Variants in LURAP1L observed in about 807,000 individuals in gnomAD.
LURAP1L encodes the protein leucine rich adaptor protein 1-like.
LURAP1L carries 12 observed loss-of-function variants against 13.8 expected under a neutral mutation model. That is an observed-to-expected ratio of 0.87 (90% CI 0.56 to 1.41). The LOEUF (loss-of-function observed/expected upper bound fraction) is 1.41. LURAP1L is among the 40% of genes most tolerant of loss of function. The pLI is 0.00. For missense variants in LURAP1L, 375 were observed against 292.9 expected, an observed-to-expected ratio of 1.28 and a Z score of -2.04; for synonymous variants, 139 against 119.2, an observed-to-expected ratio of 1.17 and a Z score of -1.08.
At chr9:12,779,869 C>T (rs1219919841) in intron 1 of LURAP1L, among the ~76,000 whole-genome samples, 1 of 152,190 alleles carries the variant, frequency 6.6e-6, no homozygotes, top group East Asian at 1.9e-4. Context: ...GCACTAAACA[C>T]AGTCTCTGGC....
At chr9:12,791,279 T>G (rs969378802) in intron 1 of LURAP1L, among the ~76,000 whole-genome samples, 1 of 152,130 alleles carries the variant, frequency 6.6e-6, no homozygotes. Context: ...ATCCAAAATA[T>G]GAAAAATGGC....
chr9:12,793,234 A>G (rs1819468023), intron 1 of LURAP1L, among the ~76,000 whole-genome samples: 1 of 152,074 alleles, frequency 6.6e-6, no homozygotes, highest in African/African-American at 2.4e-5. Flanking sequence ...CCTGTCTACC[A>G]ATGTGCATTC....
At chr9:12,803,233 C>G (rs767469586) in intron 1 of LURAP1L, among the ~76,000 whole-genome samples, 8 of 152,154 alleles carry the variant, frequency 5.3e-5, no homozygotes, top group Non-Finnish European at 1.2e-4. Flanking sequence ...TTTCCTATAT[C>G]TTGAAAAATT....
chr9:12,775,970 C>A lies in LURAP1L; in HGVS notation c.255C>A (p.Ser85Arg), dbSNP rs148872560. 43 of 1,602,256 alleles carry A rather than the reference C, an allele frequency of 2.7e-5. No homozygotes were observed. The highest frequency in any genetic ancestry group is 3.5e-5 in the Non-Finnish European group (41 of 1,174,572). ...SSPTSGSPRGSHSSALERLET... is the reference protein window; with the variant it reads ...SSPTSGSPRGRHSSALERLET... ...CAACCTCTGGCTCCCCACGAGGTAGCCACTCTAGCGCCCTGGAGAGGCTAG... is the reference window on the plus strand; with the variant it reads ...CAACCTCTGGCTCCCCACGAGGTAGACACTCTAGCGCCCTGGAGAGGCTAG... The change falls in exon 1 of 2, where the codon AGC becomes AGA. Residue 85 changes from serine (S) to arginine (R), a missense_variant. Physicochemically the swap from Ser to Arg is moderately radical, Grantham distance 110. Coordinates refer to ENST00000319264, the MANE Select transcript of LURAP1L (RefSeq NM_203403.2).
chr9:12,786,100 C>G (rs963819636), intron 1 of LURAP1L, among the ~76,000 whole-genome samples: 1 of 152,052 alleles, frequency 6.6e-6, no homozygotes, highest in Non-Finnish European at 1.5e-5. Flanking sequence ...ATATGACACA[C>G]AGTATTTCAA....
intron 1 of LURAP1L, among the ~76,000 whole-genome samples, chr9:12,798,636 A>G (rs188924061): frequency 1.8e-4 from 27 of 152,334 alleles, no homozygotes; most frequent in African/African-American, 5.5e-4. Flanking sequence ...GCTAGAAGTG[A>G]TGAATTAACA....
rs67654649 is a variant in LURAP1L at position 12,786,547 on chromosome 9, CAT to C, written c.312+10554_312+10555del. Among the ~76,000 whole-genome samples, 1,838 of 52,978 alleles carry C rather than the reference CAT, an allele frequency of 0.035. 140 individuals are homozygous for C. The East Asian group carries it at 0.44, about 13-fold the overall frequency. 34.8% of individuals were successfully genotyped at this position (52,978 alleles called of 152,430 possible). A position where few individuals can be genotyped will look rare whatever the true frequency, so the allele number is the denominator to read the frequency against. The stretch of plus-strand genomic sequence containing the variant: ...AAATGGCTAACATGTATATATATGA[CAT>C]ATATATATATATATATATATATATA... On this transcript the variant is annotated intron_variant, in intron 1 of 1. Transcript: ENST00000319264.
Position 12,814,876 on chromosome 9 carries a change from C to A in LURAP1L, c.313-6510C>A, listed in dbSNP as rs1819783481. Among the ~76,000 whole-genome samples the A allele has an allele frequency of 2.0e-5, 3 of 152,116 alleles. No individual in the cohort carries two copies. The South Asian group carries it at 6.2e-4, about 32-fold the overall frequency. On this transcript the variant is annotated intron_variant, in intron 1 of 1. Coordinates refer to ENST00000319264, the MANE Select transcript of LURAP1L (RefSeq NM_203403.2). ...TATAAACAACAAAAATGGAGGAAGACAAAGCTGACTGATGTGAAAGGGAAT... is the reference window on the plus strand; with the variant it reads ...TATAAACAACAAAAATGGAGGAAGAAAAAGCTGACTGATGTGAAAGGGAAT...
At chr9:12,796,469 C>A (rs1205841927) in intron 1 of LURAP1L, among the ~76,000 whole-genome samples, 3 of 151,734 alleles carry the variant, frequency 2.0e-5, no homozygotes, top group Non-Finnish European at 4.4e-5. Context: ...TGTTATTTTT[C>A]TAAACTTCAT....
chr9:12,785,828 A>G (rs1258782370), intron 1 of LURAP1L, among the ~76,000 whole-genome samples: 3 of 152,118 alleles, frequency 2.0e-5, no homozygotes, highest in Non-Finnish European at 4.4e-5. Context: ...ACCGGGTACT[A>G]TGATTGTTCA....
At chr9:12,796,403 A>G (rs1819512254) in intron 1 of LURAP1L, among the ~76,000 whole-genome samples, 1 of 151,984 alleles carries the variant, frequency 6.6e-6, no homozygotes, top group Non-Finnish European at 1.5e-5. Flanking sequence ...TATAACTTGT[A>G]TCTTTTTTGT....
chr9:12,809,533 C>T (rs1032669984), intron 1 of LURAP1L, among the ~76,000 whole-genome samples: 2 of 152,200 alleles, frequency 1.3e-5, no homozygotes, highest in African/African-American at 2.4e-5. Context: ...GCACTGTCCA[C>T]TTTTTCCATT....
chr9:12,807,727 T>C (rs1158292365), intron 1 of LURAP1L, among the ~76,000 whole-genome samples: 1 of 151,922 alleles, frequency 6.6e-6, no homozygotes, highest in East Asian at 1.9e-4. Flanking sequence ...ATATTTTCTA[T>C]TTCTTTCCTT....
intron 1 of LURAP1L, among the ~76,000 whole-genome samples, chr9:12,817,717 A>C (rs1819822712): frequency 6.6e-6 from 1 of 152,196 alleles, no homozygotes; most frequent in African/African-American, 2.4e-5. Flanking sequence ...TCTATTTTTA[A>C]TTGATGGCTA....
At chr9:12,809,318 A>C (rs1170364985) in intron 1 of LURAP1L, among the ~76,000 whole-genome samples, 1 of 151,934 alleles carries the variant, frequency 6.6e-6, no homozygotes, top group African/African-American at 2.4e-5. Context: ...CTGACTTTTT[A>C]TTTCTTTTTT....
chr9:12,778,397 A>G (rs1215046162), intron 1 of LURAP1L, among the ~76,000 whole-genome samples: 1 of 152,226 alleles, frequency 6.6e-6, no homozygotes, highest in Admixed American at 6.5e-5. Flanking sequence ...TAACATAGGA[A>G]TAAGAGCATC....
At position 12,778,276 on chromosome 9, in the gene LURAP1L, A is replaced by C. The variant is rs181103061; in HGVS notation, c.312+2249A>C. On this transcript the variant is annotated intron_variant, in intron 1 of 1. Transcript: ENST00000319264. ...AGACATTTAGCTTATCTTCCCCGGC[A>C]AAAAGGCTTGTCCCGCTCTCTGTGG... 3.3e-5 allele frequency among the ~76,000 whole-genome samples: 5 copies of C among 152,162 alleles called. No individual in the cohort carries two copies. In the East Asian group the frequency reaches 9.7e-4, roughly 29 times the overall value.
intron 1 of LURAP1L, among the ~76,000 whole-genome samples, chr9:12,804,197 C>T (rs985341889): frequency 2.6e-5 from 4 of 152,108 alleles, no homozygotes; most frequent in Non-Finnish European, 5.9e-5. Context: ...GGCTTAGGGA[C>T]ACATATTTGA....
chr9:12,814,634 G>A (rs1163679909), intron 1 of LURAP1L, among the ~76,000 whole-genome samples: 3 of 152,168 alleles, frequency 2.0e-5, no homozygotes, highest in African/African-American at 7.2e-5. Context: ...TCACGAGCAG[G>A]CCTGGTGGCC....
Sources: allele counts gnomAD v4.1 joint callset (sites outside exome capture counted in the v4.1 genomes callset), GRCh38; gene constraint gnomAD v4.1.1; transcripts MANE v1.5; gene names NCBI Gene and HGNC (gene_info 2026-07-23, HGNC 2026-07-21).